The following NCOA6 variants were observed in gnomAD, a reference collection of about 807,000 sequenced individuals.
NCOA6 encodes the protein nuclear receptor coactivator 6, also known as NRC RAP250.
In NCOA6, 49 loss-of-function variants were observed where a neutral mutation model predicts 171.4. The observed-to-expected ratio is 0.29, with a 90% confidence interval of 0.23 to 0.36. The LOEUF (loss-of-function observed/expected upper bound fraction) is 0.36. Among genes scored for constraint, NCOA6 ranks in the 10% least tolerant of loss-of-function variants. NCOA6 has a pLI of 1.00. For missense variants in NCOA6, 2,248 were observed against 2,554.5 expected, an observed-to-expected ratio of 0.88 and a Z score of 2.59; for synonymous variants, 910 against 927.5, an observed-to-expected ratio of 0.98 and a Z score of 0.34.
Position 34,750,103 on chromosome 20 carries a change from T to A in NCOA6, c.2092A>T (p.Met698Leu), listed in dbSNP as rs769134646. Residue 698 changes from methionine (M) to leucine (L), a missense_variant, in exon 9 of 15, where the codon ATG (methionine) becomes TTG (leucine). Met to Leu is a conservative substitution (Grantham distance 15). This residue lies in a region of NCOA6 where 987 missense variants were observed against 1,104.7 expected (regional missense o/e 0.89). Coordinates refer to ENST00000359003, the MANE Select transcript of NCOA6 (RefSeq NM_014071.5). ...GPQMMAPHNQ[M>L]MGPQGQVLLQ... Reference sequence around the variant, plus strand: ...AAAACCTGCCCCTGAGGCCCCATCATCTGGTTATGTGGCGCCATCATTTGT... The same window carrying A: ...AAAACCTGCCCCTGAGGCCCCATCAACTGGTTATGTGGCGCCATCATTTGT... The A allele has an allele frequency of 1.2e-6, 2 of 1,614,080 alleles. No homozygotes were observed. The highest frequency in any genetic ancestry group is 2.2e-5 in the South Asian group (2 of 91,092).
At chr20:34,783,001 G>C (rs949658806) in intron 2 of NCOA6, among the ~76,000 whole-genome samples, 18 of 152,190 alleles carry the variant, frequency 1.2e-4, no homozygotes, top group Admixed American at 9.2e-4. Flanking sequence ...ATATGAAAGG[G>C]CTGGGCGCAG....
chr20:34,724,639 T>C (rs1027756848), intron 14 of NCOA6, among the ~76,000 whole-genome samples: 1 of 152,174 alleles, frequency 6.6e-6, no homozygotes, highest in African/African-American at 2.4e-5. Flanking sequence ...AAATGTCATG[T>C]CATTTTTTTC....
chr20:34,770,323 C>T (rs2077111558), intron 4 of NCOA6, among the ~76,000 whole-genome samples: 1 of 152,148 alleles, frequency 6.6e-6, no homozygotes, highest in Non-Finnish European at 1.5e-5. Context: ...CCATGCCTGG[C>T]TAGGTCAGCT....
At chr20:34,734,402 C>T (rs1385048632) in intron 12 of NCOA6, among the ~76,000 whole-genome samples, 2 of 152,052 alleles carry the variant, frequency 1.3e-5, no homozygotes, top group Non-Finnish European at 2.9e-5. Flanking sequence ...CTCTGTCTCC[C>T]AGGCTGGAGT....
At chr20:34,789,394 T>C (rs2077791764) in intron 2 of NCOA6, among the ~76,000 whole-genome samples, 1 of 152,196 alleles carries the variant, frequency 6.6e-6, no homozygotes, top group African/African-American at 2.4e-5. Flanking sequence ...AGGCATCAAA[T>C]GCCTGACATT....
chr20:34,723,267 G>C (rs1989592462), intron 14 of NCOA6, among the ~76,000 whole-genome samples: 1 of 152,220 alleles, frequency 6.6e-6, no homozygotes, highest in Non-Finnish European at 1.5e-5. Context: ...CAGGCAGATA[G>C]TGTCAGAATT....
chr20:34,738,758 G>A (rs2076036278), intron 11 of NCOA6: 9 of 409,286 alleles, frequency 2.2e-5, no homozygotes, highest in Non-Finnish European at 3.5e-5. Context: ...TAGAATGTAC[G>A]ATCTCCATTT....
chr20:34,732,106 T>C (rs759445584), intron 13 of NCOA6, among the ~76,000 whole-genome samples: 1 of 152,206 alleles, frequency 6.6e-6, no homozygotes, highest in Non-Finnish European at 1.5e-5. Flanking sequence ...TGTCATTTTG[T>C]AGGGTTATGT....
chr20:34,743,123 A>G lies in NCOA6; in HGVS notation c.3133T>C (p.Ser1045Pro), dbSNP rs1249104084. ...MMLMMQQDPK[S>P]VRLPVSQNVH... Reference sequence around the variant, plus strand: ...TTTTGAGAGACTGGAAGCCTAACTGATTTGGGATCCTGCTGCATCATGAGC... The same window carrying G: ...TTTTGAGAGACTGGAAGCCTAACTGGTTTGGGATCCTGCTGCATCATGAGC... Residue 1045 changes from serine to proline, a missense_variant, in exon 11 of 15, where the codon TCA (serine) becomes CCA (proline). Around this residue, in one of 7 missense-constraint regions of NCOA6, gnomAD observed 352 missense variants for 419.1 expected, o/e 0.84. Coordinates refer to ENST00000359003, the MANE Select transcript of NCOA6 (RefSeq NM_014071.5). 2 of 1,613,396 alleles carry G rather than the reference A, an allele frequency of 1.2e-6. No homozygotes were observed. The highest frequency in any genetic ancestry group is 2.2e-5 in the East Asian group (1 of 44,870).
chr20:34,815,783 G>A (rs1389431336), intron 1 of NCOA6, among the ~76,000 whole-genome samples: 1 of 152,028 alleles, frequency 6.6e-6, no homozygotes, highest in Non-Finnish European at 1.5e-5. Context: ...TTATTGTGCT[G>A]GCAAAAGTTA....
Position 34,742,075 on chromosome 20 carries a change from C to T in NCOA6, c.4181G>A (p.Ser1394Asn), listed in dbSNP as rs2076162105. The stretch of plus-strand genomic sequence containing the variant: ...AGTAGAATTCTGAGGATTCAGCCCA[C>T]TGTTGTTAGGAAAGCTCCCAGGTAC... ...PPVPGSFPNN[S>N]GLNPQNSTVS... The change falls in exon 11 of 15, where the codon AGT (serine) becomes AAT (asparagine). Residue 1394 changes from serine (S) to asparagine (N), a missense_variant. Transcript: ENST00000359003. 1 of 1,614,200 alleles carries T rather than the reference C, an allele frequency of 6.2e-7. No individual in the cohort carries two copies. Among genetic ancestry groups the T allele is most frequent in the Non-Finnish European group, 8.5e-7 (1 of 1,180,040 alleles).
intron 4 of NCOA6, among the ~76,000 whole-genome samples, chr20:34,773,426 T>C (rs547222123): frequency 1.5e-4 from 23 of 152,298 alleles, no homozygotes; most frequent in Non-Finnish European, 2.1e-4. Flanking sequence ...GCAGACACGA[T>C]AGTGGCAACA....
chr20:34,771,284 T>C (rs547756662), intron 4 of NCOA6, among the ~76,000 whole-genome samples: 3 of 152,192 alleles, frequency 2.0e-5, no homozygotes, highest in Admixed American at 2.0e-4. Context: ...CATGCCTGGC[T>C]AATTTTTTTA....
chr20:34,791,768 C>A (rs578119465), intron 2 of NCOA6, among the ~76,000 whole-genome samples: 1 of 152,184 alleles, frequency 6.6e-6, no homozygotes, highest in African/African-American at 2.4e-5. Flanking sequence ...CACCAAGGCA[C>A]ATACCCAAAC....
intron 10 of NCOA6, among the ~76,000 whole-genome samples, chr20:34,745,169 G>A (rs1384417982): frequency 1.3e-5 from 2 of 152,226 alleles, no homozygotes; most frequent in Non-Finnish European, 2.9e-5. Context: ...GTAGAGAATA[G>A]AAGTGGACTG....
rs757947385 is a variant in NCOA6 at position 34,757,482 on chromosome 20, G to C, written c.1266C>G (p.His422Gln). The C allele has an allele frequency of 1.9e-6, 3 of 1,613,812 alleles. No homozygotes were observed. The African/African-American group carries it at 4.0e-5, about 22-fold the overall frequency. ...SRVPTPLQQPHLTNKSPASSP... is the reference protein window; with the variant it reads ...SRVPTPLQQPQLTNKSPASSP... Reference sequence around the variant, plus strand: ...AGGAGGCAGGAGACTTGTTGGTGAGGTGGGGCTGCTGCAAGGGAGTTGGGA... The same window carrying C: ...AGGAGGCAGGAGACTTGTTGGTGAGCTGGGGCTGCTGCAAGGGAGTTGGGA... The change falls in exon 7 of 15, where the codon CAC (histidine) becomes CAG (glutamine). Residue 422 changes from histidine to glutamine, a missense_variant. Physicochemically the swap from His to Gln is conservative, Grantham distance 24 (BLOSUM62 0). Around this residue, in one of 7 missense-constraint regions of NCOA6, gnomAD observed 987 missense variants for 1,104.7 expected, o/e 0.89. Coordinates refer to ENST00000359003, the MANE Select transcript of NCOA6 (RefSeq NM_014071.5).
At position 34,750,095 on chromosome 20, in the gene NCOA6, C is replaced by T; in HGVS notation, c.2100G>A (p.Gly700=). The T allele has an allele frequency of 6.2e-7, 1 of 1,614,090 alleles. No individual in the cohort carries two copies. Among genetic ancestry groups the T allele is most frequent in the East Asian group, 2.2e-5 (1 of 44,896 alleles). The change falls in exon 9 of 15, where the codon GGG becomes GGA. Residue 700 remains glycine, a synonymous_variant. Coordinates refer to ENST00000359003, the MANE Select transcript of NCOA6 (RefSeq NM_014071.5). ...GTTGGAGCAAAACCTGCCCCTGAGG[C>T]CCCATCATCTGGTTATGTGGCGCCA... ...QMMAPHNQMM[G]PQGQVLLQQN...
chr20:34,772,372 A>G (rs983894288), intron 4 of NCOA6, among the ~76,000 whole-genome samples: 1 of 152,160 alleles, frequency 6.6e-6, no homozygotes, highest in Admixed American at 6.6e-5. Context: ...TCTATAATAC[A>G]TCATTTATAC....
intron 12 of NCOA6, among the ~76,000 whole-genome samples, chr20:34,734,211 C>T (rs570571814): frequency 6.6e-6 from 1 of 151,872 alleles, no homozygotes; most frequent in African/African-American, 2.4e-5. Flanking sequence ...AGTATAGGCA[C>T]GCGGTACCAG....
Sources: gnomAD v4.1 joint callset for allele counts (sites outside exome capture counted in the v4.1 genomes callset) on GRCh38, gnomAD v4.1.1 for gene constraint, gnomAD v4.1.1 regional missense constraint, MANE v1.5 for transcripts, NCBI Gene and HGNC (gene_info 2026-07-23, HGNC 2026-07-21) for gene names.